Variants in PLEKHB2 observed in about 807,000 individuals in gnomAD.
PLEKHB2 encodes the protein pleckstrin homology domain-containing family B member 2.
Under a neutral mutation model 36.5 loss-of-function variants are expected in PLEKHB2, and 31 were observed. That is an observed-to-expected ratio of 0.85 (90% CI 0.64 to 1.15). The LOEUF is 1.15. Among genes scored for constraint, PLEKHB2 ranks in the 50% most tolerant of loss-of-function variants. PLEKHB2 has a pLI of 0.00. For missense variants in PLEKHB2, 262 were observed against 295.3 expected (o/e 0.89, Z 0.83); for synonymous variants, 119 against 112.0 (o/e 1.06, Z -0.39).
intron 5 of PLEKHB2, among the ~76,000 whole-genome samples, chr2:131,132,232 T>C (rs537925221): frequency 7.2e-5 from 11 of 152,332 alleles, no homozygotes; most frequent in Non-Finnish European, 1.3e-4. Flanking sequence ...AACAGACTTA[T>C]GTATAGGACA....
chr2:131,111,338 T>C (rs1362893123), intron 1 of PLEKHB2, among the ~76,000 whole-genome samples: 1 of 150,284 alleles, frequency 6.7e-6, no homozygotes, highest in Non-Finnish European at 1.5e-5. Flanking sequence ...GCTCATCCTC[T>C]AATTTTTTTC....
intron 7 of PLEKHB2, among the ~76,000 whole-genome samples, chr2:131,141,243 C>A (rs893090013): frequency 6.6e-6 from 1 of 152,110 alleles, no homozygotes; most frequent in Non-Finnish European, 1.5e-5. Context: ...ATCTCATACT[C>A]CTGTGTTCTG....
chr2:131,145,329 G>T (rs1699175629), intron 7 of PLEKHB2, among the ~76,000 whole-genome samples: 1 of 151,944 alleles, frequency 6.6e-6, no homozygotes, highest in Non-Finnish European at 1.5e-5. Flanking sequence ...CTAGTGACTA[G>T]TTTTTTTTCT....
At chr2:131,143,021 G>C (rs1005229245) in intron 7 of PLEKHB2, among the ~76,000 whole-genome samples, 18 of 152,080 alleles carry the variant, frequency 1.2e-4, no homozygotes, top group African/African-American at 4.1e-4. Context: ...CCCCCATTCT[G>C]TTTTTCACTT....
intron 2 of PLEKHB2, among the ~76,000 whole-genome samples, chr2:131,121,423 T>G (rs576455490): frequency 6.6e-5 from 10 of 152,124 alleles, no homozygotes; most frequent in African/African-American, 2.4e-4. Context: ...TAATTTTGTA[T>G]TTTTAGTAGA....
intron 7 of PLEKHB2, among the ~76,000 whole-genome samples, chr2:131,145,735 A>G (rs1699220789): frequency 6.6e-6 from 1 of 152,226 alleles, no homozygotes; most frequent in Non-Finnish European, 1.5e-5. Flanking sequence ...TAGGCATTAT[A>G]GCTGTGAAGC....
At chr2:131,125,422 G>A (rs1696992007) in intron 2 of PLEKHB2, among the ~76,000 whole-genome samples, 1 of 152,208 alleles carries the variant, frequency 6.6e-6, no homozygotes, top group African/African-American at 2.4e-5. Context: ...CATTGTGAGG[G>A]ACTGCTTTGG....
chr2:131,136,291 A>G (rs908535540), intron 6 of PLEKHB2, among the ~76,000 whole-genome samples: 4 of 149,798 alleles, frequency 2.7e-5, no homozygotes, highest in African/African-American at 1.0e-4. Flanking sequence ...CAGTGGTACT[A>G]TCATTAGCTC....
At chr2:131,127,487 T>C (rs988774773) in intron 4 of PLEKHB2, among the ~76,000 whole-genome samples, 1 of 152,246 alleles carries the variant, frequency 6.6e-6, no homozygotes, top group African/African-American at 2.4e-5. Context: ...GCAAATATCC[T>C]ATTTCCACAT....
chr2:131,130,405 T>C (rs1697561716), intron 4 of PLEKHB2, among the ~76,000 whole-genome samples: 1 of 152,204 alleles, frequency 6.6e-6, no homozygotes, highest in South Asian at 2.1e-4. Context: ...TATCGTGGAA[T>C]ATTATATAGC....
At chr2:131,130,585 C>T (rs1487125230) in intron 4 of PLEKHB2, 136 bp from the exon 5 acceptor site, 3 of 705,218 alleles carry the variant, frequency 4.3e-6, no homozygotes, top group Non-Finnish European at 7.7e-6. Context: ...TAGTGCATGT[C>T]TCAAGTGGTT....
In PLEKHB2 at chr2:131,125,780, A is replaced by T. The variant is rs1697029262; in HGVS notation, c.65A>T (p.Asn22Ile). 1.2e-6 allele frequency: 2 copies of T among 1,612,774 alleles called. No homozygotes were observed. The change falls in exon 3 of 8, where the codon AAC (asparagine) becomes ATC (isoleucine). Residue 22 changes from asparagine to isoleucine, a missense_variant. Asn to Ile is a moderately radical substitution (Grantham distance 149, BLOSUM62 -3). Coordinates refer to ENST00000693505, the MANE Select transcript of PLEKHB2 (RefSeq NM_001100623.2). ...QSTILKRWKK[N>I]WFDLWSDGHL... ...ACTATTTTGAAGCGCTGGAAGAAGA[A>T]CTGGTTTGATCTGTGGTCGGATGGT...
At chr2:131,116,481 A>G (rs974337305) in intron 1 of PLEKHB2, among the ~76,000 whole-genome samples, 2 of 152,224 alleles carry the variant, frequency 1.3e-5, no homozygotes, top group Admixed American at 6.5e-5. Flanking sequence ...TACAGGAGGC[A>G]TGGCTGTGGA....
chr2:131,133,684 T>C (rs2104918155), intron 6 of PLEKHB2, among the ~76,000 whole-genome samples: 1 of 152,326 alleles, frequency 6.6e-6, no homozygotes, highest in South Asian at 2.1e-4. Context: ...ATCTTCCTGC[T>C]GTGACACCCT....
chr2:131,140,293 T>A lies in PLEKHB2; in HGVS notation c.532+18T>A. On this transcript the variant is annotated intron_variant, in intron 7 of 7. Transcript: ENST00000693505. ...ATATGCAGGTAACTCACGCCGGCCT[T>A]TCATTCCTCATTTCTCTCCATTTGC... 1.5e-6 allele frequency: 2 copies of A among 1,328,742 alleles called. No individual in the cohort carries two copies. The highest frequency in any genetic ancestry group is 2.9e-5 in the African/African-American group (2 of 69,272). 82.3% of individuals were successfully genotyped at this position (1,328,742 alleles called of 1,614,324 possible).
At chr2:131,121,898 T>C (rs1389546648) in intron 2 of PLEKHB2, among the ~76,000 whole-genome samples, 1 of 151,096 alleles carries the variant, frequency 6.6e-6, no homozygotes, top group Admixed American at 6.6e-5. Flanking sequence ...CATACTGTGT[T>C]TTATTTTTAT....
chr2:131,128,340 A>G (rs899479662), intron 4 of PLEKHB2, among the ~76,000 whole-genome samples: 2 of 152,210 alleles, frequency 1.3e-5, no homozygotes, highest in African/African-American at 4.8e-5. Flanking sequence ...CCATGAAGGA[A>G]AAATAAGAAA....
intron 1 of PLEKHB2, among the ~76,000 whole-genome samples, chr2:131,119,734 G>A (rs1002874863): frequency 1.3e-5 from 2 of 152,098 alleles, no homozygotes; most frequent in Admixed American, 1.3e-4. Flanking sequence ...GTGTCTTGGA[G>A]GTTTTCATTT....
intron 6 of PLEKHB2, among the ~76,000 whole-genome samples, chr2:131,136,589 C>T (rs963788590): frequency 5.3e-5 from 8 of 151,718 alleles, no homozygotes; most frequent in Admixed American, 3.9e-4. Context: ...CTGAACCAGC[C>T]TTGCATTCCC....
Sources: allele counts gnomAD v4.1 joint callset (sites outside exome capture counted in the v4.1 genomes callset), GRCh38; gene constraint gnomAD v4.1.1; transcripts MANE v1.5; gene names NCBI Gene and HGNC (gene_info 2026-07-23, HGNC 2026-07-21).